Variants in WDR11 observed in about 807,000 individuals in gnomAD.
WDR11 encodes WD repeat domain 11, also known as WD repeat-containing protein 11.
Under a neutral mutation model 151.2 loss-of-function variants are expected in WDR11, and 83 were observed. That is an observed-to-expected ratio of 0.55 (90% CI 0.46 to 0.66). WDR11 has a LOEUF of 0.66. Among genes scored for constraint, WDR11 ranks in the 30% least tolerant of loss-of-function variants. WDR11 has a pLI of 0.00. For missense variants in WDR11, 1,301 were observed against 1,480.9 expected, an observed-to-expected ratio of 0.88 and a Z score of 1.99; for synonymous variants, 484 against 533.1, an observed-to-expected ratio of 0.91 and a Z score of 1.27.
chr10:120,885,948 A>G lies in WDR11; in HGVS notation c.1973+10A>G, dbSNP rs761129692. The G allele has an allele frequency of 3.1e-6, 5 of 1,612,918 alleles. No individual in the cohort carries two copies. Among genetic ancestry groups the G allele is most frequent in the Non-Finnish European group, 4.2e-6 (5 of 1,179,504 alleles). ...AATCATCTGTGATCAGGTACAGTAC[A>G]GTGTTTCTTGACACTGTCATTTGTG... On this transcript the variant is annotated intron_variant, in intron 15 of 28. Coordinates refer to ENST00000263461, the MANE Select transcript of WDR11 (RefSeq NM_018117.12).
intron 2 of WDR11, among the ~76,000 whole-genome samples, chr10:120,856,550 C>G (rs7904153): frequency 0.37 from 52,330 of 141,182 alleles, 9,544 homozygotes; most frequent in Admixed American, 0.45. Context: ...ACTCCAGCCT[C>G]GGCAACAGAA....
intron 11 of WDR11, among the ~76,000 whole-genome samples, chr10:120,876,322 A>G (rs963899844): frequency 8.5e-5 from 13 of 152,148 alleles, no homozygotes; most frequent in African/African-American, 3.1e-4. Context: ...TGTGATGGAA[A>G]TCTCTGAAAA....
At chr10:120,890,690 A>G in intron 18 of WDR11, 26 bp from the exon 19 acceptor site, 2 of 1,614,044 alleles carry the variant, frequency 1.2e-6, no homozygotes. Context: ...TCTGTCTGGA[A>G]GTGATGCCCA....
intron 19 of WDR11, among the ~76,000 whole-genome samples, chr10:120,899,197 G>A (rs1206692883): frequency 6.6e-6 from 1 of 152,136 alleles, no homozygotes; most frequent in Non-Finnish European, 1.5e-5. Context: ...TGTGGGGGAT[G>A]CTAGGGCCTA....
chr10:120,906,184 T>C, intron 27 of WDR11, 163 bp downstream of exon 27: 2 of 1,518,176 alleles, frequency 1.3e-6, no homozygotes, highest in African/African-American at 1.4e-5. Context: ...ACTGTCCGTA[T>C]TCATTACATC....
At chr10:120,856,550 C>T (rs7904153) in intron 2 of WDR11, among the ~76,000 whole-genome samples, 1 of 141,464 alleles carries the variant, frequency 7.1e-6, no homozygotes, top group Non-Finnish European at 1.5e-5. Context: ...ACTCCAGCCT[C>T]GGCAACAGAA....
At chr10:120,904,228 T>G in intron 24 of WDR11, 86 bp downstream of exon 24, 8 of 1,077,664 alleles carry the variant, frequency 7.4e-6, no homozygotes, top group Non-Finnish European at 1.1e-5. Flanking sequence ...TGTATATATT[T>G]CATAATATTT....
At chr10:120,896,329 T>G (rs955777626) in intron 19 of WDR11, among the ~76,000 whole-genome samples, 8 of 152,124 alleles carry the variant, frequency 5.3e-5, no homozygotes, top group African/African-American at 1.9e-4. Context: ...TTAGAAGATG[T>G]AGATGGAAAA....
intron 10 of WDR11, among the ~76,000 whole-genome samples, chr10:120,871,621 G>C (rs1262349647): frequency 6.6e-6 from 1 of 152,120 alleles, no homozygotes; most frequent in Non-Finnish European, 1.5e-5. Context: ...GAAATACCAG[G>C]AGGCTCATCC....
At chr10:120,856,730 A>AAT (rs551056998) in intron 2 of WDR11, among the ~76,000 whole-genome samples, 1,732 of 151,400 alleles carry the variant, frequency 0.011, 9 homozygotes, top group African/African-American at 0.023. Context: ...TGATTATTAA[A>AAT]ATATATATAT....
intron 19 of WDR11, among the ~76,000 whole-genome samples, chr10:120,894,600 T>G (rs1305890275): frequency 2.5e-4 from 38 of 152,188 alleles, no homozygotes; most frequent in Admixed American, 2.5e-3. Context: ...CTCACCTTAA[T>G]GTTGCCATTT....
At chr10:120,885,699 A>G in intron 14 of WDR11, 115 bp from the exon 15 acceptor site, 1 of 1,302,610 alleles carries the variant, frequency 7.7e-7, no homozygotes, top group Non-Finnish European at 1.1e-6. Flanking sequence ...ATGTGGATTC[A>G]TGTGTAGTAA....
In WDR11 at chr10:120,871,365, C is replaced by CT. The variant is rs111818084; in HGVS notation, c.1471+30dup. ...GCTGTTGGTGAGTATTTGACCTGGT[C>CT]TTTTTTTTTTTAACTCACTTTATAA... On this transcript the variant is annotated intron_variant, in intron 10 of 28. Coordinates refer to ENST00000263461, the MANE Select transcript of WDR11 (RefSeq NM_018117.12). 18,250 of 1,220,056 alleles carry CT rather than the reference C, an allele frequency of 0.015. 24 individuals are homozygous for CT. Among genetic ancestry groups the CT allele is most frequent in the African/African-American group, 0.044 (2,861 of 65,092 alleles). 75.6% of individuals were successfully genotyped at this position (1,220,056 alleles called of 1,614,324 possible).
At chr10:120,889,323 T>C in intron 17 of WDR11, 139 bp downstream of exon 17, 1 of 669,932 alleles carries the variant, frequency 1.5e-6, no homozygotes, top group Non-Finnish European at 2.6e-6. Flanking sequence ...CTGCAAGCTC[T>C]GACTCCCGGG....
intron 1 of WDR11, chr10:120,851,880 G>A (rs921792759): frequency 2.0e-5 from 7 of 356,028 alleles, no homozygotes; most frequent in Non-Finnish European, 3.2e-5. Flanking sequence ...CTTTTTCGTT[G>A]TCTTGTATTC....
At chr10:120,891,306 A>C (rs1847422136) in intron 19 of WDR11, among the ~76,000 whole-genome samples, 1 of 152,166 alleles carries the variant, frequency 6.6e-6, no homozygotes, top group African/African-American at 2.4e-5. Context: ...AAGTGTTCTG[A>C]GTATTATGAA....
chr10:120,874,195 TGTTGTTGTTGTTGTTTGTTTTG>T (rs1846665926), intron 11 of WDR11, among the ~76,000 whole-genome samples: 2 of 108,148 alleles, frequency 1.8e-5, no homozygotes, highest in African/African-American at 3.4e-5. Context: ...TTTTTTTTGT[TGTTGTTGTTGTTGTTTGTTTTG>T]TTTTGTTTTG....
Position 120,862,753 on chromosome 10 carries a change from T to C in WDR11, c.545T>C (p.Ile182Thr), listed in dbSNP as rs1018166455. ...AATATAGTGCTTACCAGCGAGGGTA[T>C]TGTTTTCATCTCAGACTTCTCCCCA... ...SHLTLLTSEG[I>T]VFISDFSPSK... is the part of the protein sequence containing the mutation. Residue 182 changes from isoleucine (I) to threonine (T), a missense_variant, in exon 5 of 29, where the codon ATT (isoleucine) becomes ACT (threonine). This residue lies in a region of WDR11 where 692 missense variants were observed against 762.5 expected (regional missense o/e 0.91). Coordinates refer to ENST00000263461, the MANE Select transcript of WDR11 (RefSeq NM_018117.12). 1 of 1,614,180 alleles carries C rather than the reference T, an allele frequency of 6.2e-7. No homozygotes were observed. Among genetic ancestry groups the C allele is most frequent in the Non-Finnish European group, 8.5e-7 (1 of 1,180,026 alleles).
chr10:120,891,912 T>C lies in WDR11; in HGVS notation c.2515+1025T>C, dbSNP rs189436065. Among the ~76,000 whole-genome samples the C allele has an allele frequency of 1.8e-4, 28 of 152,302 alleles. No homozygotes were observed. In the East Asian group the frequency reaches 4.4e-3, roughly 24 times the overall value. ...TCAGGTGAAGCCAGAATTCAAGACC[T>C]ACATTCCCATGTCTGTCCTTGTGTC... On this transcript the variant is annotated intron_variant, in intron 19 of 28. Transcript: ENST00000263461.
Sources: gnomAD v4.1 joint callset for allele counts (sites outside exome capture counted in the v4.1 genomes callset) on GRCh38, gnomAD v4.1.1 for gene constraint, gnomAD v4.1.1 regional missense constraint, MANE v1.5 for transcripts, NCBI Gene and HGNC (gene_info 2026-07-23, HGNC 2026-07-21) for gene names.